Variants in CFAP20DC observed in about 807,000 individuals in gnomAD.
The protein encoded by CFAP20DC is CFAP20 domain containing, also known as protein CFAP20DC.
Under a neutral mutation model 101.7 loss-of-function variants are expected in CFAP20DC, and 84 were observed. The observed-to-expected ratio is 0.83, with a 90% CI of 0.69 to 0.99. The LOEUF (loss-of-function observed/expected upper bound fraction) is 0.99, where lower values mean the gene tolerates loss of function less well. Among genes scored for constraint, CFAP20DC ranks in the 50% least tolerant of loss-of-function variants. The probability of loss-of-function intolerance (pLI) is 0.00; values close to 1 mark genes in which losing one functional copy is unlikely to be tolerated. For synonymous variants in CFAP20DC, 359 were observed against 351.2 expected (o/e 1.02, Z -0.25); for missense variants, 1,007 against 970.3 (o/e 1.04, Z -0.50).
chr3:58,856,499 T>G (rs2078838624), intron 12 of CFAP20DC, among the ~76,000 whole-genome samples: 1 of 152,178 alleles, frequency 6.6e-6, no homozygotes, highest in Admixed American at 6.5e-5. Context: ...TGGGCAACCC[T>G]CTCTGCTGTA....
At position 58,721,406 on chromosome 3, in the gene CFAP20DC, A is replaced by C. The variant is rs2067471509; in HGVS notation, c.198-3778T>G. ...ACATTTTTTAAAAATTACAACCATG[A>C]TAGGGTACCTAGTGCTATGAATATT... is the stretch of plus-strand genomic sequence containing the variant. On this transcript the variant is annotated intron_variant, in intron 3 of 3. Transcript: ENST00000486145. The surrounding 1 kb of genome is among the most constrained non-coding windows in gnomAD (Gnocchi z 5.2). Among the ~76,000 whole-genome samples, 1 of 152,130 alleles carries C rather than the reference A, an allele frequency of 6.6e-6. No homozygotes were observed. Among genetic ancestry groups the C allele is most frequent in the Admixed American group, 6.5e-5 (1 of 15,272 alleles).
intron 15 of CFAP20DC, among the ~76,000 whole-genome samples, chr3:58,756,538 G>C (rs937724564): frequency 6.6e-6 from 1 of 151,740 alleles, no homozygotes; most frequent in Non-Finnish European, 1.5e-5. Flanking sequence ...CTTTCTTGTT[G>C]ATTTTTATTA....
Position 58,971,691 on chromosome 3 carries a change from T to C in CFAP20DC, c.279-33929A>G, listed in dbSNP as rs1032761858. Among the ~76,000 whole-genome samples the C allele has an allele frequency of 2.0e-5, 3 of 152,036 alleles. No homozygotes were observed. Among genetic ancestry groups the C allele is most frequent in the African/African-American group, 7.2e-5 (3 of 41,394 alleles). On this transcript the variant is annotated intron_variant, in intron 4 of 16. Coordinates refer to ENST00000482387, the MANE Select transcript of CFAP20DC (RefSeq NM_001394063.1). The surrounding 1 kb of genome is among the most constrained non-coding windows in gnomAD (Gnocchi z 4.1). Reference sequence around the variant, plus strand: ...AATAGGTTATGTTCTAGCCATGCAATGGTATATATAGCGCTATTAAAAAGA... The same window carrying C: ...AATAGGTTATGTTCTAGCCATGCAACGGTATATATAGCGCTATTAAAAAGA...
rs1473306055 is a variant in CFAP20DC at position 58,866,117 on chromosome 3, G to C, written c.1258+449C>G. ...GAAGGTTTCAACGTTGCATAAATAA[G>C]ATTGACAAACCACAAACAATTTTCA... On this transcript the variant is annotated intron_variant, in intron 11 of 16. Transcript: ENST00000482387. Among the ~76,000 whole-genome samples the C allele has an allele frequency of 2.0e-5, 3 of 152,340 alleles. No homozygotes were observed. The South Asian group carries it at 6.2e-4, about 32-fold the overall frequency.
intron 15 of CFAP20DC, among the ~76,000 whole-genome samples, chr3:58,777,730 C>A (rs563173160): frequency 1.3e-5 from 2 of 152,172 alleles, no homozygotes; most frequent in East Asian, 3.9e-4. Context: ...AAGTGGGAGG[C>A]CCCTACTGGT....
intron 16 of CFAP20DC, among the ~76,000 whole-genome samples, chr3:58,749,551 C>A (rs2107212278): frequency 6.6e-6 from 1 of 152,282 alleles, no homozygotes; most frequent in East Asian, 1.9e-4. Flanking sequence ...GGAGATTAAT[C>A]AACAACCATA....
chr3:59,023,831 G>A (rs1278098388), intron 4 of CFAP20DC, among the ~76,000 whole-genome samples: 1 of 152,114 alleles, frequency 6.6e-6, no homozygotes, highest in Non-Finnish European at 1.5e-5. Context: ...ATTTGACTTT[G>A]TATTATTACC....
At chr3:58,745,634 T>C (rs979354939) in intron 16 of CFAP20DC, among the ~76,000 whole-genome samples, 1 of 152,160 alleles carries the variant, frequency 6.6e-6, no homozygotes, top group African/African-American at 2.4e-5. Context: ...ACAGCACACA[T>C]AGTAGTTGTT....
rs185774095 is a variant in CFAP20DC, at chr3:58,897,076, G to T, written c.551-12367C>A. ...TATGAACCTGCATGCTCCTGTATTG[G>T]GTGCATATGTATTTAGGATTGTTAG... On this transcript the variant is annotated intron_variant, in intron 6 of 16. Transcript: ENST00000482387. The surrounding 1 kb of genome is among the most constrained non-coding windows in gnomAD (Gnocchi z 4.4). Among the ~76,000 whole-genome samples, 1 of 152,136 alleles carries T rather than the reference G, an allele frequency of 6.6e-6. No individual in the cohort carries two copies. Among genetic ancestry groups the T allele is most frequent in the Non-Finnish European group, 1.5e-5 (1 of 68,000 alleles).
chr3:58,943,158 C>T (rs959174870), intron 4 of CFAP20DC, among the ~76,000 whole-genome samples: 5 of 152,184 alleles, frequency 3.3e-5, no homozygotes, highest in African/African-American at 1.2e-4. Flanking sequence ...CTTCAGCAGA[C>T]TTAAATGTTC....
chr3:58,952,069 AG>A (rs1400168081), intron 4 of CFAP20DC, among the ~76,000 whole-genome samples: 17 of 152,146 alleles, frequency 1.1e-4, no homozygotes, highest in African/African-American at 4.1e-4. Flanking sequence ...GTTAGGGGGT[AG>A]GGTAGGGATG....
intron 13 of CFAP20DC, among the ~76,000 whole-genome samples, chr3:58,847,630 C>A (rs1442427341): frequency 1.3e-5 from 2 of 151,688 alleles, no homozygotes; most frequent in Non-Finnish European, 2.9e-5. Context: ...GGATCTAGAA[C>A]TGGAAATACC....
At chr3:58,819,274 C>T (rs891571390) in intron 14 of CFAP20DC, among the ~76,000 whole-genome samples, 5 of 151,936 alleles carry the variant, frequency 3.3e-5, no homozygotes, top group Non-Finnish European at 7.3e-5. Context: ...TAGCAGAAGG[C>T]AAGAGATAAC....
chr3:58,751,790 G>A (rs1333770007), intron 16 of CFAP20DC, among the ~76,000 whole-genome samples: 1 of 151,880 alleles, frequency 6.6e-6, no homozygotes, highest in African/African-American at 2.4e-5. Context: ...GTAGTTGTGG[G>A]ACCTTGGGCA....
chr3:58,957,356 T>C (rs2090728381), intron 4 of CFAP20DC, among the ~76,000 whole-genome samples: 2 of 152,154 alleles, frequency 1.3e-5, no homozygotes, highest in Non-Finnish European at 2.9e-5. Flanking sequence ...CAATAACAAA[T>C]GCTATCAAGG....
At chr3:58,782,690 G>C (rs1308139272) in intron 15 of CFAP20DC, among the ~76,000 whole-genome samples, 1 of 151,578 alleles carries the variant, frequency 6.6e-6, no homozygotes, top group Non-Finnish European at 1.5e-5. Context: ...AAAATATCTG[G>C]GAATAAATTT....
intron 15 of CFAP20DC, among the ~76,000 whole-genome samples, chr3:58,780,648 T>C (rs1158235008): frequency 1.3e-5 from 2 of 152,032 alleles, no homozygotes; most frequent in Non-Finnish European, 2.9e-5. Flanking sequence ...GCTATGCTTA[T>C]ATCACACAGA....
rs1349380843 is a variant in CFAP20DC at position 58,831,652 on chromosome 3, G to A, written c.2175+34C>T. On this transcript the variant is annotated intron_variant, in intron 14 of 16. Transcript: ENST00000482387. ...TAGAAAAAAGCTTGCTCCTTGTTAA[G>A]CAATGAGAGGAAGCTGCAAAGCCAG... 3 of 1,589,360 alleles carry A rather than the reference G, an allele frequency of 1.9e-6. No individual in the cohort carries two copies. The South Asian group carries it at 3.3e-5, about 18-fold the overall frequency.
chr3:58,902,854 T>C (rs1362888557), intron 6 of CFAP20DC, among the ~76,000 whole-genome samples: 1 of 152,222 alleles, frequency 6.6e-6, no homozygotes, highest in Admixed American at 6.5e-5. Context: ...GAAATAGTTA[T>C]ACACACTGTT....
Sources: gnomAD v4.1 joint callset for allele counts (sites outside exome capture counted in the v4.1 genomes callset) on GRCh38, gnomAD v4.1.1 for gene constraint, Gnocchi (gnomAD v3.1) non-coding constraint, MANE v1.5 for transcripts, NCBI Gene and HGNC (gene_info 2026-07-23, HGNC 2026-07-21) for gene names.